Variants in SLC9B2 observed in about 807,000 individuals in gnomAD.
SLC9B2 encodes solute carrier family 9 member B2, also known as sodium/hydrogen exchanger 9B2.
SLC9B2 carries 39 observed loss-of-function variants against 52.2 expected under a neutral mutation model. The observed-to-expected ratio is 0.75, with a 90% CI of 0.58 to 0.98. The LOEUF (loss-of-function observed/expected upper bound fraction) is 0.98. Among genes scored for constraint, SLC9B2 ranks in the 50% least tolerant of loss-of-function variants. The pLI is 0.00. For synonymous variants in SLC9B2, 214 were observed against 227.0 expected, an observed-to-expected ratio of 0.94 and a Z score of 0.51; for missense variants, 626 against 637.5, an observed-to-expected ratio of 0.98 and a Z score of 0.19.
At position 103,031,694 on chromosome 4, in the gene SLC9B2, T is replaced by C; in HGVS notation, c.1255+6A>G. On this transcript the variant is annotated splice_donor_region_variant and intron_variant, in intron 10 of 11. Coordinates refer to ENST00000394785, the MANE Select transcript of SLC9B2 (RefSeq NM_178833.7). ...TTTTAACAAAAGCACATTTTGAAAT[T>C]CTTACCTACAGTTTCTGGTCTGAGA... 1 of 1,605,538 alleles carries C rather than the reference T, an allele frequency of 6.2e-7. No homozygotes were observed.
chr4:103,036,650 C>T (rs1327007120), intron 9 of SLC9B2, among the ~76,000 whole-genome samples: 1 of 147,742 alleles, frequency 6.8e-6, no homozygotes, highest in Non-Finnish European at 1.5e-5. Flanking sequence ...AATTGACATG[C>T]CTTTTTTTTT....
chr4:103,067,323 G>C, intron 2 of SLC9B2, 138 bp downstream of exon 2: 2 of 674,172 alleles, frequency 3.0e-6, no homozygotes, highest in South Asian at 3.7e-5. Context: ...GTTACAGGTA[G>C]GGTCAGCTGG....
At position 103,058,531 on chromosome 4, in the gene SLC9B2, G is replaced by A. The variant is rs111587267; in HGVS notation, c.272-560C>T. On this transcript the variant is annotated intron_variant, in intron 3 of 11. Coordinates refer to ENST00000394785, the MANE Select transcript of SLC9B2 (RefSeq NM_178833.7). ...TCCTGCCTCAGCCTCTCATGTAGCTGGGACTACAGGTGTGTACCACCATGC... is the reference window on the plus strand; with the variant it reads ...TCCTGCCTCAGCCTCTCATGTAGCTAGGACTACAGGTGTGTACCACCATGC... Among the ~76,000 whole-genome samples the A allele has an allele frequency of 1.1e-3, 164 of 152,236 alleles. 1 individual carries two copies. The highest frequency in any genetic ancestry group is 3.8e-3 in the African/African-American group (159 of 41,526).
intron 3 of SLC9B2, among the ~76,000 whole-genome samples, chr4:103,062,197 C>T (rs1175280647): frequency 1.3e-4 from 20 of 152,106 alleles, no homozygotes; most frequent in African/African-American, 4.6e-4. Context: ...CCGAGGCAGG[C>T]GGATCATGAG....
chr4:103,059,765 T>C (rs550491067), intron 3 of SLC9B2, among the ~76,000 whole-genome samples: 6 of 152,342 alleles, frequency 3.9e-5, no homozygotes, highest in Non-Finnish European at 7.4e-5. Context: ...TATTTACCAT[T>C]GCATATGAGC....
intron 10 of SLC9B2, 33 bp from the exon 11 acceptor site, chr4:103,028,916 A>G: frequency 6.6e-7 from 1 of 1,506,628 alleles, no homozygotes; most frequent in East Asian, 2.6e-5. Context: ...AGAAATAATA[A>G]AATACTAGGA....
At chr4:103,030,619 G>C (rs192152611) in intron 10 of SLC9B2, among the ~76,000 whole-genome samples, 1 of 152,158 alleles carries the variant, frequency 6.6e-6, no homozygotes, top group East Asian at 1.9e-4. Flanking sequence ...TAGCATGGTA[G>C]AGACGGGGGG....
At chr4:103,072,056 G>GTTTTTTTTT (rs779979130) in intron 1 of SLC9B2, among the ~76,000 whole-genome samples, 1,549 of 95,156 alleles carry the variant, frequency 0.016, 259 homozygotes, top group African/African-American at 0.064. Context: ...TGGCTTTCAT[G>GTTTTTTTTT]TTTTTTTTTT....
intron 10 of SLC9B2, 34 bp downstream of exon 10, chr4:103,031,666 G>A: frequency 6.4e-7 from 1 of 1,574,146 alleles, no homozygotes; most frequent in Non-Finnish European, 8.7e-7. Flanking sequence ...CAAAAAAAGT[G>A]AATTTTAACA....
At chr4:103,074,566 G>A (rs35445157) in intron 1 of SLC9B2, among the ~76,000 whole-genome samples, 1 of 152,118 alleles carries the variant, frequency 6.6e-6, no homozygotes, top group Non-Finnish European at 1.5e-5. Context: ...AAAATGTCCA[G>A]AAAATAACAT....
At chr4:103,019,850 C>A (rs1167184398), downstream of SLC9B2, 14 of 985,702 alleles carry the variant, frequency 1.4e-5, no homozygotes, top group Non-Finnish European at 1.7e-5. Context: ...TGAACCCTTT[C>A]CTTTCGACGT....
chr4:103,030,177 A>G (rs780926309), intron 10 of SLC9B2, among the ~76,000 whole-genome samples: 9 of 152,164 alleles, frequency 5.9e-5, no homozygotes, highest in Non-Finnish European at 8.8e-5. Context: ...ACAATTGGAT[A>G]TATTGATTTA....
intron 4 of SLC9B2, among the ~76,000 whole-genome samples, chr4:103,051,988 T>C (rs1418396257): frequency 6.6e-6 from 1 of 152,232 alleles, no homozygotes; most frequent in Non-Finnish European, 1.5e-5. Flanking sequence ...AGGTTTTTCA[T>C]TATAAACAGT....
chr4:103,043,344 GCA>G lies in SLC9B2; in HGVS notation c.1096_1097del (p.Cys366HisfsTer20). Reference sequence around the variant, plus strand: ...CTGCAAGGAAAGCCATGACCAACGTGCACAGTCCTCCTGATCCAGGGAAACCA... The same window carrying G: ...CTGCAAGGAAAGCCATGACCAACGTGCAGTCCTCCTGATCCAGGGAAACCA... ...HFGFPGSGGL[C>X]TLVMAFLAGM... On this transcript the variant is annotated frameshift_variant, in exon 9 of 12. Transcript: ENST00000394785. The G allele has an allele frequency of 6.2e-7, 1 of 1,613,618 alleles. No homozygotes were observed. The highest frequency in any genetic ancestry group is 8.5e-7 in the Non-Finnish European group (1 of 1,179,836).
chr4:103,037,926 T>C (rs1017425240), intron 9 of SLC9B2, among the ~76,000 whole-genome samples: 7 of 151,786 alleles, frequency 4.6e-5, no homozygotes, highest in African/African-American at 7.3e-5. Context: ...AGTGGTGTGA[T>C]CTTGGCTCAT....
At chr4:103,064,998 G>T (rs1360160682) in intron 3 of SLC9B2, among the ~76,000 whole-genome samples, 2 of 151,976 alleles carry the variant, frequency 1.3e-5, no homozygotes, top group Non-Finnish European at 2.9e-5. Context: ...TGAGGTGGGA[G>T]GATCCCTTGA....
intron 2 of SLC9B2, among the ~76,000 whole-genome samples, chr4:103,066,873 TAA>T (rs1247597090): frequency 1.3e-5 from 2 of 152,056 alleles, no homozygotes; most frequent in Non-Finnish European, 2.9e-5. Context: ...ACAAATTATT[TAA>T]AATATTATAT....
chr4:103,026,653 GT>G (rs1485468685), intron 11 of SLC9B2, 62 bp from the exon 12 acceptor site: 10 of 1,474,738 alleles, frequency 6.8e-6, no homozygotes, highest in South Asian at 5.3e-5. Context: ...AAAAAAGTGA[GT>G]TTTTTATTGT....
chr4:103,019,174 G>C (rs557266870), downstream of SLC9B2, among the ~76,000 whole-genome samples: 17 of 152,224 alleles, frequency 1.1e-4, no homozygotes, highest in East Asian at 2.3e-3. Context: ...TGGGGGAAGA[G>C]AGCTTTCTCA....
Sources: allele counts gnomAD v4.1 joint callset (sites outside exome capture counted in the v4.1 genomes callset), GRCh38; gene constraint gnomAD v4.1.1; transcripts MANE v1.5; gene names NCBI Gene and HGNC (gene_info 2026-07-23, HGNC 2026-07-21).